Variants in ANO1 observed in about 807,000 individuals in gnomAD.
ANO1 encodes the protein anoctamin 1.
A neutral mutation model predicts 124.0 loss-of-function variants in ANO1; 59 were observed. The observed-to-expected ratio is 0.48, with a 90% CI of 0.39 to 0.59. The LOEUF (loss-of-function observed/expected upper bound fraction) is 0.59, where lower values mean the gene tolerates loss of function less well. Among genes scored for constraint, ANO1 ranks in the 20% least tolerant of loss-of-function variants. The pLI is 0.00. For synonymous variants in ANO1, 529 were observed against 532.0 expected (o/e 0.99, Z 0.08); for missense variants, 1,059 against 1,328.0 (o/e 0.80, Z 3.15).
At chr11:69,985,706 C>T (rs1210494749), upstream of ANO1, among the ~76,000 whole-genome samples, 2 of 152,164 alleles carry the variant, frequency 1.3e-5, no homozygotes, top group Admixed American at 6.5e-5. Flanking sequence ...GGTGGAGACG[C>T]GCCCCGCGCA....
intron 1 of ANO1, among the ~76,000 whole-genome samples, chr11:70,033,500 A>G (rs1857041055): frequency 1.3e-5 from 2 of 152,110 alleles, no homozygotes; most frequent in Non-Finnish European, 2.9e-5. Context: ...GTGTTGCACT[A>G]TGATGCTTCT....
intron 2 of ANO1, among the ~76,000 whole-genome samples, chr11:70,095,849 G>C (rs909303390): frequency 6.6e-6 from 1 of 151,780 alleles, no homozygotes; most frequent in African/African-American, 2.4e-5. Context: ...CATATCTGTT[G>C]AGTTTTTAAC....
chr11:70,001,956 C>A (rs1856389995), intron 1 of ANO1, among the ~76,000 whole-genome samples: 2 of 152,036 alleles, frequency 1.3e-5, no homozygotes, highest in Non-Finnish European at 2.9e-5. Flanking sequence ...CCCACCACCA[C>A]ACCATTTTGG....
At chr11:70,046,092 G>T (rs1449030627) in intron 1 of ANO1, among the ~76,000 whole-genome samples, 1 of 152,148 alleles carries the variant, frequency 6.6e-6, no homozygotes, top group African/African-American at 2.4e-5. Context: ...GAGCAAAAAG[G>T]ACTCGATGCA....
intron 1 of ANO1, among the ~76,000 whole-genome samples, chr11:69,991,463 CT>C (rs1269948505): frequency 2.0e-4 from 30 of 152,326 alleles, no homozygotes; most frequent in Admixed American, 5.2e-4. Flanking sequence ...GCCTGCCCCC[CT>C]GTCCTCTGTG....
chr11:70,041,451 G>A (rs1857181874), intron 1 of ANO1, among the ~76,000 whole-genome samples: 1 of 152,158 alleles, frequency 6.6e-6, no homozygotes, highest in Non-Finnish European at 1.5e-5. Flanking sequence ...CAACTATTTA[G>A]GCTGGGGGAA....
chr11:70,155,931 G>A lies in ANO1; in HGVS notation c.1446G>A (p.Glu482=). 6.5e-7 allele frequency: 1 copy of A among 1,543,392 alleles called. No individual in the cohort carries two copies. Among genetic ancestry groups the A allele is most frequent in the Non-Finnish European group, 8.7e-7 (1 of 1,144,112 alleles). The change falls in exon 15 of 26, where the codon GAG becomes GAA. Residue 482 remains glutamate, a synonymous_variant. Transcript: ENST00000355303. The part of the protein sequence containing the change: ...RNKEKRRHIP[E]ESTNKWKQRV... ...CTCAGAAGCGCCGGCATATTCCAGA[G>A]GAGTCAACAAACAAATGGAAGCAGA...
rs571271499 is a variant in ANO1, at chr11:70,108,151, G to A, written c.748-202G>A. On this transcript the variant is annotated intron_variant, in intron 5 of 25. Transcript: ENST00000355303. ...AGGTGCACCTGTTTCTCCCTGAGAA[G>A]CTCAAGCCTTTGACAGTGTTGAGAA... 104 of 509,416 alleles carry A rather than the reference G, an allele frequency of 2.0e-4. No individual in the cohort carries two copies. In the Middle Eastern group the frequency reaches 2.5e-3, roughly 12 times the overall value. The allele number at this position is 509,416 out of a possible 1,614,324, so 31.6% of individuals were successfully genotyped here. A position where few individuals can be genotyped will look rare whatever the true frequency, so the allele number is the denominator to read the frequency against.
At chr11:70,152,957 CCGAGGCTAATA>C in intron 13 of ANO1, 89 bp from the exon 14 acceptor site, 1 of 1,021,038 alleles carries the variant, frequency 9.8e-7, no homozygotes, top group Non-Finnish European at 1.5e-6. Context: ...CAAAGGGTGC[CCGAGGCTAATA>C]CATGGACTGA....
the ANO1 span, among the ~76,000 whole-genome samples, chr11:69,966,661 G>A: frequency 6.6e-6 from 1 of 152,178 alleles, no homozygotes; most frequent in African/African-American, 2.4e-5. Flanking sequence ...GATGGGGTTG[G>A]GGCGTTGGGG....
rs116042490 is a variant in ANO1, at chr11:70,134,857, G to A, written c.1258+2778G>A. 4.7e-3 allele frequency among the ~76,000 whole-genome samples: 719 copies of A among 152,318 alleles called. 9 individuals carry two copies. The highest frequency in any genetic ancestry group is 0.017 in the African/African-American group (695 of 41,558). ...AGAGAAGGCCCCATGGGAAGGGTGC[G>A]GGGCTGTGGCAGGAGCTCCAGGTGC... On this transcript the variant is annotated intron_variant, in intron 11 of 25. Transcript: ENST00000355303.
At chr11:70,051,418 C>T (rs1187512917) in intron 1 of ANO1, among the ~76,000 whole-genome samples, 1 of 152,204 alleles carries the variant, frequency 6.6e-6, no homozygotes, top group Non-Finnish European at 1.5e-5. Context: ...ATTTCAGGGT[C>T]GTAAGACAAG....
chr11:70,091,231 G>A (rs1305125762), intron 2 of ANO1, among the ~76,000 whole-genome samples: 3 of 152,186 alleles, frequency 2.0e-5, no homozygotes, highest in Admixed American at 6.5e-5. Flanking sequence ...AACGAGCAAA[G>A]GGTTTGCGAT....
chr11:70,150,836 T>C (rs1381383008), intron 12 of ANO1, among the ~76,000 whole-genome samples: 1 of 152,264 alleles, frequency 6.6e-6, no homozygotes, highest in East Asian at 1.9e-4. Context: ...TATTTTTCTT[T>C]TAAAGGCCTT....
chr11:70,104,291 A>G, intron 4 of ANO1, 141 bp downstream of exon 4: 1 of 984,226 alleles, frequency 1.0e-6, no homozygotes, highest in Non-Finnish European at 1.5e-6. Context: ...CTGAGCCCAG[A>G]AGAGGCTGTG....
chr11:70,182,651 C>T lies in ANO1; in HGVS notation c.2553C>T (p.Asp851=). 6.2e-7 allele frequency: 1 copy of T among 1,609,160 alleles called. No individual in the cohort carries two copies. Among genetic ancestry groups the T allele is most frequent in the East Asian group, 2.2e-5 (1 of 44,752 alleles). The change falls in exon 24 of 26, where the codon GAC becomes GAT. Residue 851 remains aspartate (D), a synonymous_variant. Transcript: ENST00000355303. ...SDFQNGTAPN[D]PLDLGYEVQI... The stretch of plus-strand genomic sequence containing the variant: ...TCCAGAACGGCACGGCCCCCAATGA[C>T]CCCCTGGACCTGGGCTACGAGGTGC...
At chr11:70,099,314 C>T (rs965334229) in intron 2 of ANO1, among the ~76,000 whole-genome samples, 1 of 152,152 alleles carries the variant, frequency 6.6e-6, no homozygotes, top group East Asian at 1.9e-4. Flanking sequence ...GGTCTCATGA[C>T]CCCTTTCCCG....
At chr11:70,011,276 G>A (rs982638492) in intron 1 of ANO1, among the ~76,000 whole-genome samples, 16 of 152,134 alleles carry the variant, frequency 1.1e-4, no homozygotes, top group African/African-American at 3.9e-4. Context: ...GAGCAGGGGA[G>A]GGAAGGATGG....
chr11:70,039,774 G>C (rs1402603848), intron 1 of ANO1, among the ~76,000 whole-genome samples: 1 of 152,182 alleles, frequency 6.6e-6, no homozygotes, highest in Non-Finnish European at 1.5e-5. Flanking sequence ...ACTCCAAAGA[G>C]CAATAGAACA....
Sources: gnomAD v4.1 joint callset for allele counts (sites outside exome capture counted in the v4.1 genomes callset) on GRCh38, gnomAD v4.1.1 for gene constraint, MANE v1.5 for transcripts, NCBI Gene and HGNC (gene_info 2026-07-23, HGNC 2026-07-21) for gene names.